The following USH1C variants were observed in gnomAD, a reference collection of about 807,000 sequenced individuals.
USH1C encodes the protein USH1 protein network component harmonin.
USH1C carries 90 observed loss-of-function variants against 119.3 expected under a neutral mutation model. That is an observed-to-expected ratio of 0.75 (90% CI 0.64 to 0.90). USH1C has a LOEUF of 0.90. Among genes scored for constraint, USH1C ranks in the 40% least tolerant of loss-of-function variants. The probability of loss-of-function intolerance (pLI) is 0.00; values close to 1 mark genes in which losing one functional copy is unlikely to be tolerated. For synonymous variants in USH1C, 465 were observed against 443.3 expected, an observed-to-expected ratio of 1.05 and a Z score of -0.62; for missense variants, 1,165 against 1,167.7, an observed-to-expected ratio of 1.00 and a Z score of 0.03.
intron 1 of USH1C, among the ~76,000 whole-genome samples, chr11:17,540,710 C>G (rs769281276): frequency 1.1e-4 from 16 of 152,178 alleles, no homozygotes; most frequent in Non-Finnish European, 1.9e-4. Context: ...ATCAGCAAAG[C>G]CTGTCAGTTT....
intron 18 of USH1C, among the ~76,000 whole-genome samples, chr11:17,507,285 C>A (rs1345964667): frequency 6.6e-6 from 1 of 152,178 alleles, no homozygotes; most frequent in Non-Finnish European, 1.5e-5. Flanking sequence ...GCTGGGACAA[C>A]CCTGGCTTTG....
At position 17,526,444 on chromosome 11, in the gene USH1C, G is replaced by A; in HGVS notation, c.580-3C>T. ...GAGCCCAGGCTGCCTCGCACGCCCT[G>A]AAAGAGAGATAGAAGCAGAATCACG... is the stretch of plus-strand genomic sequence containing the variant. On this transcript the variant is annotated splice_polypyrimidine_tract_variant and splice_region_variant and intron_variant, in intron 7 of 26. Transcript: ENST00000005226. The A allele has an allele frequency of 1.2e-6, 2 of 1,613,568 alleles. No homozygotes were observed. Among genetic ancestry groups the A allele is most frequent in the African/African-American group, 1.3e-5 (1 of 75,052 alleles).
intron 7 of USH1C, 38 bp downstream of exon 7, chr11:17,526,715 C>G: frequency 6.2e-7 from 1 of 1,606,746 alleles, no homozygotes; most frequent in Non-Finnish European, 8.5e-7. Flanking sequence ...TTGAAGATGA[C>G]CCCACCCAAA....
intron 15 of USH1C, among the ~76,000 whole-genome samples, chr11:17,512,408 A>G (rs965997974): frequency 6.6e-6 from 1 of 152,238 alleles, no homozygotes; most frequent in Admixed American, 6.5e-5. Context: ...ATGAAATAAC[A>G]TCCATGAAAG....
Position 17,509,758 on chromosome 11 carries a change from G to A in USH1C, c.1611C>T (p.His537=). The change falls in exon 18 of 27, where the codon CAC becomes CAT. Residue 537 remains histidine, a synonymous_variant. Transcript: ENST00000005226. ...TGTCGTCCAGGTCAGTGGTGTGCAGGTGCAGTCCGCCTGCGAAGCGTCTCA... is the reference window on the plus strand; with the variant it reads ...TGTCGTCCAGGTCAGTGGTGTGCAGATGCAGTCCGCCTGCGAAGCGTCTCA... ...PPLRRFAGGL[H]LHTTDLDDIP... The A allele has an allele frequency of 6.2e-7, 1 of 1,602,084 alleles. No homozygotes were observed. Among genetic ancestry groups the A allele is most frequent in the Non-Finnish European group, 8.5e-7 (1 of 1,179,744 alleles).
chr11:17,501,191 G>C (rs377753125), intron 22 of USH1C, 41 bp from the exon 23 acceptor site: 1 of 1,514,042 alleles, frequency 6.6e-7, no homozygotes, highest in Non-Finnish European at 9.1e-7. Context: ...CAAGCAGACA[G>C]CAGCCTGTGG....
At chr11:17,502,428 G>C (rs1468538962) in intron 20 of USH1C, among the ~76,000 whole-genome samples, 1 of 152,214 alleles carries the variant, frequency 6.6e-6, no homozygotes, top group Non-Finnish European at 1.5e-5. Flanking sequence ...CCCACAGGAG[G>C]GGCCCATCCA....
chr11:17,544,010 C>A (rs1851590005), intron 1 of USH1C, among the ~76,000 whole-genome samples: 2 of 152,258 alleles, frequency 1.3e-5, no homozygotes, highest in South Asian at 4.1e-4. Context: ...CCAGAGACGT[C>A]CCTGCCCCTG....
At chr11:17,504,077 C>A (rs113489502) in intron 20 of USH1C, among the ~76,000 whole-genome samples, 3 of 152,218 alleles carry the variant, frequency 2.0e-5, no homozygotes, top group African/African-American at 7.2e-5. Context: ...TGGAGGTACC[C>A]CAGGAGGCAG....
At position 17,523,452 on chromosome 11, in the gene USH1C, A is replaced by G. The variant is rs1468519613; in HGVS notation, c.786T>C (p.Asn262=). The G allele has an allele frequency of 9.9e-6, 16 of 1,614,082 alleles. No individual in the cohort carries two copies. The highest frequency in any genetic ancestry group is 2.2e-5 in the East Asian group (1 of 44,892). The change falls in exon 10 of 27, where the codon AAT becomes AAC. Residue 262 remains asparagine (N), a synonymous_variant. Coordinates refer to ENST00000005226, the MANE Select transcript of USH1C (RefSeq NM_153676.4). ...GATCCAGGTTAGAGAAGTCGACGCC[A>G]TTGACTTCGACAATCTGGTCCCCTA... ...LEIGDQIVEV[N]GVDFSNLDHK... is the part of the protein sequence containing the mutation.
At chr11:17,512,918 C>G (rs1358422977) in intron 15 of USH1C, among the ~76,000 whole-genome samples, 1 of 152,152 alleles carries the variant, frequency 6.6e-6, no homozygotes, top group Non-Finnish European at 1.5e-5. Context: ...ACCCACCGAG[C>G]CTGCATTCCT....
chr11:17,524,651 T>C, intron 8 of USH1C, 116 bp from the exon 9 acceptor site: 1 of 1,121,704 alleles, frequency 8.9e-7, no homozygotes, highest in Non-Finnish European at 1.3e-6. Context: ...CTCTTCAGCC[T>C]CTGTGTCCCT....
At position 17,523,236 on chromosome 11, in the gene USH1C, A is replaced by T. The variant is rs756485601; in HGVS notation, c.851T>A (p.Leu284Gln). 8.1e-6 allele frequency: 13 copies of T among 1,614,068 alleles called. No homozygotes were observed. Among genetic ancestry groups the T allele is most frequent in the Middle Eastern group, 3.3e-4 (2 of 6,084 alleles). The stretch of plus-strand genomic sequence containing the variant: ...AGCTGCAGCTACAATGGAGATGGTC[A>T]GGCTGCGGCTACTCTTCAGCACATT... ...AVNVLKSSRSLTISIVAAAGR... is the reference protein window; with the variant it reads ...AVNVLKSSRSQTISIVAAAGR... The change falls in exon 11 of 27, where the codon CTG (leucine) becomes CAG (glutamine). Residue 284 changes from leucine (L) to glutamine (Q), a missense_variant. Transcript: ENST00000005226.
chr11:17,532,179 T>A (rs529141498), intron 2 of USH1C, among the ~76,000 whole-genome samples: 112 of 152,200 alleles, frequency 7.4e-4, no homozygotes, highest in African/African-American at 2.6e-3. Context: ...CAAGTCCTAC[T>A]CCCCCAGATT....
At chr11:17,494,465 AC>A in intron 26 of USH1C, 89 bp from the exon 27 acceptor site, 1 of 1,451,622 alleles carries the variant, frequency 6.9e-7, no homozygotes, top group Non-Finnish European at 9.5e-7. Context: ...AAGGGGGAGT[AC>A]CCACTCTGGC....
chr11:17,517,361 GC>G, intron 14 of USH1C: 1 of 1,551,928 alleles, frequency 6.4e-7, no homozygotes, highest in East Asian at 2.4e-5. Flanking sequence ...GCAGGGTAAA[GC>G]AGAGCAGCCA....
chr11:17,511,175 A>G (rs1849870476), intron 16 of USH1C, among the ~76,000 whole-genome samples: 1 of 152,200 alleles, frequency 6.6e-6, no homozygotes, highest in Admixed American at 6.5e-5. Context: ...GGACAGCCTC[A>G]GATATATTCC....
At chr11:17,512,989 T>C (rs2133832422) in intron 15 of USH1C, among the ~76,000 whole-genome samples, 1 of 152,308 alleles carries the variant, frequency 6.6e-6, no homozygotes, top group East Asian at 1.9e-4. Flanking sequence ...AGAATGATCA[T>C]TTATGAACTG....
intron 6 of USH1C, 45 bp downstream of exon 6, chr11:17,526,971 T>C (rs1002399660): frequency 3.2e-6 from 5 of 1,563,382 alleles, no homozygotes; most frequent in Non-Finnish European, 4.3e-6. Context: ...ACCAGGATCC[T>C]GGGCCCACAG....
Sources: gnomAD v4.1 joint callset for allele counts (sites outside exome capture counted in the v4.1 genomes callset) on GRCh38, gnomAD v4.1.1 for gene constraint, MANE v1.5 for transcripts, NCBI Gene and HGNC (gene_info 2026-07-23, HGNC 2026-07-21) for gene names.